The following MYPN variants were observed in gnomAD, a reference collection of about 807,000 sequenced individuals.
MYPN encodes the protein myopalladin.
MYPN carries 63 observed loss-of-function variants against 129.4 expected under a neutral mutation model. That is an observed-to-expected ratio of 0.49 (90% CI 0.40 to 0.60). MYPN has a LOEUF of 0.60. Ranked by LOEUF, MYPN falls within the 20% of genes least tolerant of loss-of-function variation. The pLI is 0.00. For synonymous variants in MYPN, 629 were observed against 600.9 expected, an observed-to-expected ratio of 1.05 and a Z score of -0.68; for missense variants, 1,596 against 1,635.4, an observed-to-expected ratio of 0.98 and a Z score of 0.42.
At chr10:68,186,781 A>G (rs763852903) in intron 12 of MYPN, among the ~76,000 whole-genome samples, 3 of 152,138 alleles carry the variant, frequency 2.0e-5, no homozygotes, top group Non-Finnish European at 2.9e-5. Context: ...ACATTCTAAC[A>G]CTTGAAGATT....
upstream of MYPN, among the ~76,000 whole-genome samples, chr10:68,108,955 A>AGAG (rs1388709585): frequency 6.6e-6 from 1 of 152,138 alleles, no homozygotes; most frequent in East Asian, 1.9e-4. Flanking sequence ...TCCTGACCTC[A>AGAG]GGTGATCTGC....
upstream of MYPN, among the ~76,000 whole-genome samples, chr10:68,107,882 C>T (rs991327019): frequency 1.6e-4 from 24 of 152,086 alleles, no homozygotes; most frequent in African/African-American, 5.6e-4. Flanking sequence ...CTTTACTAGC[C>T]ACCTGAAATA....
At chr10:68,115,258 C>CA (rs58484168) in intron 1 of MYPN, among the ~76,000 whole-genome samples, 4,974 of 52,894 alleles carry the variant, frequency 0.094, 181 homozygotes, top group Non-Finnish European at 0.14. Flanking sequence ...AACTCCATCT[C>CA]AAAAAAAAAA....
intron 12 of MYPN, among the ~76,000 whole-genome samples, chr10:68,182,539 C>T (rs1227657307): frequency 2.8e-5 from 4 of 145,336 alleles, no homozygotes; most frequent in African/African-American, 1.0e-4. Context: ...TGGAGTTTTA[C>T]TTTGTCGCCC....
intron 1 of MYPN, among the ~76,000 whole-genome samples, chr10:68,089,693 G>T (rs1034883135): frequency 3.3e-5 from 5 of 152,124 alleles, no homozygotes; most frequent in Non-Finnish European, 5.9e-5. Context: ...GAAGAGAGAA[G>T]AGAAGCCTCT....
intron 1 of MYPN, among the ~76,000 whole-genome samples, chr10:68,112,177 T>C (rs1483236604): frequency 6.6e-6 from 1 of 152,200 alleles, no homozygotes; most frequent in Non-Finnish European, 1.5e-5. Context: ...ACCCTTTTTC[T>C]TTTTTGATCC....
upstream of MYPN, among the ~76,000 whole-genome samples, chr10:68,103,761 C>T (rs1333473636): frequency 6.6e-6 from 1 of 152,122 alleles, no homozygotes; most frequent in Non-Finnish European, 1.5e-5. Flanking sequence ...ACCAGCCTGA[C>T]TAACGTGGTG....
upstream of MYPN, among the ~76,000 whole-genome samples, chr10:68,104,822 C>T (rs1284510132): frequency 2.0e-5 from 3 of 152,038 alleles, no homozygotes; most frequent in East Asian, 1.9e-4. Context: ...CTCACTCTGT[C>T]GCCCAGGCTG....
chr10:68,201,408 G>C (rs536587338), intron 17 of MYPN, among the ~76,000 whole-genome samples: 3 of 152,320 alleles, frequency 2.0e-5, no homozygotes, highest in African/African-American at 7.2e-5. Context: ...TGCCCACTCT[G>C]CTGAATTCCA....
chr10:68,141,219 A>T (rs1271669951), intron 2 of MYPN, among the ~76,000 whole-genome samples: 1 of 147,478 alleles, frequency 6.8e-6, no homozygotes. Context: ...AAATACAAAA[A>T]TTAGCTGGGC....
Position 68,109,538 on chromosome 10 carries a change from C to T in MYPN, c.-187C>T, listed in dbSNP as rs980502129. On this transcript the variant is annotated 5_prime_UTR_variant, in exon 1 of 20. Coordinates refer to ENST00000358913, the MANE Select transcript of MYPN (RefSeq NM_032578.4). ...TGGTGACAGGTTGTCCAGCTTCTTA[C>T]AGCCATCTTCACTGAAACTAAGGTT... 4.4e-6 allele frequency: 2 copies of T among 454,010 alleles called. No homozygotes were observed. Among genetic ancestry groups the T allele is most frequent in the African/African-American group, 4.0e-5 (2 of 50,004 alleles). The allele number at this position is 454,010 out of a possible 1,614,324, so 28.1% of individuals were successfully genotyped here. A position where few individuals can be genotyped will look rare whatever the true frequency, so the allele number is the denominator to read the frequency against.
In MYPN at chr10:68,174,622, A is replaced by C; in HGVS notation, c.2530A>C (p.Asn844His). ...TTCTCTCCCTGCCATCCCACCCACAAATGCCATGGGGCTGCCTAGAAGTGC... is the reference window on the plus strand; with the variant it reads ...TTCTCTCCCTGCCATCCCACCCACACATGCCATGGGGCTGCCTAGAAGTGC... ...LPSLPAIPPT[N>H]AMGLPRSAPS... The change falls in exon 11 of 20, where the codon AAT (asparagine) becomes CAT (histidine). Residue 844 changes from asparagine to histidine, a missense_variant. Transcript: ENST00000358913. The C allele has an allele frequency of 6.2e-7, 1 of 1,614,002 alleles. No homozygotes were observed. The highest frequency in any genetic ancestry group is 1.3e-5 in the African/African-American group (1 of 74,984).
chr10:68,130,235 G>A lies in MYPN; in HGVS notation c.902+7895G>A, dbSNP rs58412165. ...AGCACTTTGGGAGGCCGAGGCAGGC[G>A]GATCACCTGAGGTCAGGAGTTCGAG... On this transcript the variant is annotated intron_variant, in intron 2 of 19. Coordinates refer to ENST00000358913, the MANE Select transcript of MYPN (RefSeq NM_032578.4). 6.8e-3 allele frequency among the ~76,000 whole-genome samples: 1,041 copies of A among 152,142 alleles called. 41 individuals carry two copies. The East Asian group carries it at 0.11, about 16-fold the overall frequency.
chr10:68,197,508 G>GA (rs1325257331), intron 16 of MYPN, 30 bp downstream of exon 16: 2 of 1,611,276 alleles, frequency 1.2e-6, no homozygotes, highest in Non-Finnish European at 1.7e-6. Flanking sequence ...CTTAGTTCCA[G>GA]ATCTGTTCAT....
At chr10:68,157,660 C>G (rs1316949387) in intron 6 of MYPN, among the ~76,000 whole-genome samples, 1 of 116,648 alleles carries the variant, frequency 8.6e-6, no homozygotes, top group Admixed American at 9.8e-5. Flanking sequence ...ATGGCAAAAC[C>G]CTGTCTCTAC....
intron 1 of MYPN, among the ~76,000 whole-genome samples, chr10:68,094,290 G>A (rs2041945107): frequency 6.6e-6 from 1 of 151,274 alleles, no homozygotes; most frequent in Non-Finnish European, 1.5e-5. Context: ...TTGAGATGGA[G>A]TTTCGCTCTT....
rs370768715 is a variant in MYPN, at chr10:68,121,623, A to C, written c.185A>C (p.Asp62Ala). 3.5e-5 allele frequency: 57 copies of C among 1,614,126 alleles called. No homozygotes were observed. Among genetic ancestry groups the C allele is most frequent in the Non-Finnish European group, 3.6e-5 (43 of 1,180,056 alleles). Residue 62 changes from aspartate (D) to alanine (A), a missense_variant, in exon 2 of 20, where the codon GAT becomes GCT. Asp to Ala is a moderately radical substitution (Grantham distance 126). Transcript: ENST00000358913. ...GGCGGAGGCCAAGATGACCTTCCAGATCTTTCAGCCTTTCTGAGCCAAGAA... is the reference window on the plus strand; with the variant it reads ...GGCGGAGGCCAAGATGACCTTCCAGCTCTTTCAGCCTTTCTGAGCCAAGAA... ...EGGGGQDDLP[D>A]LSAFLSQEEL...
intron 2 of MYPN, among the ~76,000 whole-genome samples, chr10:68,139,707 G>A (rs989361532): frequency 6.6e-6 from 1 of 152,144 alleles, no homozygotes; most frequent in African/African-American, 2.4e-5. Flanking sequence ...AGAAATCAAA[G>A]GTTGCCATAG....
Position 68,174,208 on chromosome 10 carries a change from T to C in MYPN, c.2116T>C (p.Ser706Pro), listed in dbSNP as rs2043188608. Residue 706 changes from serine to proline, a missense_variant, in exon 11 of 20, where the codon TCC becomes CCC. Ser to Pro is a moderately conservative substitution (Grantham distance 74, BLOSUM62 -1). Transcript: ENST00000358913. ...NSNAPPAVTT[S>P]SKQVKAPSSQ... ...CAATGCTCCCCCAGCGGTGACAACA[T>C]CCAGTAAGCAGGTGAAGGCTCCTTC... 2.5e-6 allele frequency: 4 copies of C among 1,613,866 alleles called. No homozygotes were observed. The highest frequency in any genetic ancestry group is 3.4e-6 in the Non-Finnish European group (4 of 1,179,952).
Sources: gnomAD v4.1 joint callset for allele counts (sites outside exome capture counted in the v4.1 genomes callset) on GRCh38, gnomAD v4.1.1 for gene constraint, MANE v1.5 for transcripts, NCBI Gene and HGNC (gene_info 2026-07-23, HGNC 2026-07-21) for gene names.